The following GLI3 variants were observed in gnomAD, a reference collection of about 807,000 sequenced individuals.
GLI3 encodes GLI family zinc finger 3, also known as transcription activator GLI3.
Under a neutral mutation model 100.8 loss-of-function variants are expected in GLI3, and 20 were observed. The observed-to-expected ratio is 0.20, with a 90% CI of 0.14 to 0.29. GLI3 has a LOEUF of 0.29. Among genes scored for constraint, GLI3 ranks in the 10% least tolerant of loss-of-function variants. The pLI is 1.00. For missense variants in GLI3, 2,040 were observed against 2,128.5 expected (o/e 0.96, Z 0.82); for synonymous variants, 938 against 860.5 (o/e 1.09, Z -1.58).
At chr7:42,129,727 T>C (rs966878669) in intron 3 of GLI3, among the ~76,000 whole-genome samples, 2 of 152,124 alleles carry the variant, frequency 1.3e-5, no homozygotes, top group African/African-American at 4.8e-5. Context: ...AGAGAACTGC[T>C]TGAACCCGGG....
chr7:42,224,097 C>T (rs1469756163), intron 1 of GLI3, among the ~76,000 whole-genome samples: 2 of 152,174 alleles, frequency 1.3e-5, no homozygotes, highest in Non-Finnish European at 2.9e-5. Context: ...ATGTGATAAT[C>T]GCCCTAACTC....
At position 42,155,984 on chromosome 7, in the gene GLI3, G is replaced by A. The variant is rs184891427; in HGVS notation, c.125-7516C>T. Among the ~76,000 whole-genome samples, 9 of 152,162 alleles carry A rather than the reference G, an allele frequency of 5.9e-5. No individual in the cohort carries two copies. The East Asian group carries it at 9.7e-4, about 16-fold the overall frequency. On this transcript the variant is annotated intron_variant, in intron 2 of 14. Transcript: ENST00000395925. ...GGTCTGCAGCCCCATCTCTACCCCC[G>A]GGAGGATGCTTCTGAACACTGATGA...
intron 4 of GLI3, among the ~76,000 whole-genome samples, chr7:42,073,383 G>C (rs1361438764): frequency 6.6e-6 from 1 of 152,172 alleles, no homozygotes; most frequent in Non-Finnish European, 1.5e-5. Flanking sequence ...GTTATTATTA[G>C]TCTGTAATTG....
chr7:42,076,107 A>G (rs1260190587), intron 4 of GLI3, among the ~76,000 whole-genome samples: 1 of 152,210 alleles, frequency 6.6e-6, no homozygotes, highest in Non-Finnish European at 1.5e-5. Flanking sequence ...CTACAAAAAA[A>G]TACTGTTTTA....
intron 7 of GLI3, among the ~76,000 whole-genome samples, chr7:42,029,516 T>G (rs983364260): frequency 7.2e-5 from 11 of 152,154 alleles, no homozygotes; most frequent in African/African-American, 2.4e-4. Flanking sequence ...CTCCTGAGGT[T>G]TTCCCACTAG....
At chr7:42,225,710 C>T (rs1013953040) in intron 1 of GLI3, among the ~76,000 whole-genome samples, 11 of 152,204 alleles carry the variant, frequency 7.2e-5, no homozygotes, top group Non-Finnish European at 1.3e-4. Context: ...AGTATATACT[C>T]ATTGAAGTCT....
chr7:42,054,165 A>G (rs183538852), intron 4 of GLI3, among the ~76,000 whole-genome samples: 336 of 152,366 alleles, frequency 2.2e-3, no homozygotes, highest in Non-Finnish European at 4.1e-3. Context: ...TCATGAAAAT[A>G]GATTACAATG....
At chr7:42,116,821 A>G (rs1280293073) in intron 3 of GLI3, among the ~76,000 whole-genome samples, 1 of 151,104 alleles carries the variant, frequency 6.6e-6, no homozygotes, top group Non-Finnish European at 1.5e-5. Flanking sequence ...TAATTTAATA[A>G]GAGGTCTCAT....
chr7:42,117,854 A>C lies in GLI3; in HGVS notation c.367+30372T>G, dbSNP rs568345377. On this transcript the variant is annotated intron_variant, in intron 3 of 14. Transcript: ENST00000395925. ...ACCCAGCTCGAGGCTTTCCCACCCTACATATCACTGCAGATTCCGTGGTCA... is the reference window on the plus strand; with the variant it reads ...ACCCAGCTCGAGGCTTTCCCACCCTCCATATCACTGCAGATTCCGTGGTCA... Among the ~76,000 whole-genome samples the C allele has an allele frequency of 1.2e-4, 19 of 152,300 alleles. No homozygotes were observed. The South Asian group carries it at 3.9e-3, about 32-fold the overall frequency.
At chr7:42,101,201 G>A (rs994212012) in intron 3 of GLI3, among the ~76,000 whole-genome samples, 4 of 152,172 alleles carry the variant, frequency 2.6e-5, no homozygotes, top group African/African-American at 4.8e-5. Flanking sequence ...TATGCCCATC[G>A]TCATTTTCTG....
At chr7:41,993,713 C>T (rs1026314286) in intron 10 of GLI3, among the ~76,000 whole-genome samples, 1 of 152,140 alleles carries the variant, frequency 6.6e-6, no homozygotes, top group South Asian at 2.1e-4. Flanking sequence ...TTGAAAACAA[C>T]AAGCTTTGGA....
chr7:42,085,306 A>G lies in GLI3; in HGVS notation c.368-8449T>C, dbSNP rs190337769. ...AGGGGAGGTTTGGAAGTTGTATTCT[A>G]TTCAAAATTAACCTGCTGCAAAAAG... On this transcript the variant is annotated intron_variant, in intron 3 of 14. Coordinates refer to ENST00000395925, the MANE Select transcript of GLI3 (RefSeq NM_000168.6). Among the ~76,000 whole-genome samples the G allele has an allele frequency of 9.2e-5, 14 of 152,324 alleles. No individual in the cohort carries two copies. The East Asian group carries it at 2.3e-3, about 25-fold the overall frequency.
At chr7:42,122,779 T>C (rs761481441) in intron 3 of GLI3, among the ~76,000 whole-genome samples, 10 of 152,220 alleles carry the variant, frequency 6.6e-5, no homozygotes, top group Non-Finnish European at 1.2e-4. Context: ...CCAGCTGTAG[T>C]AATCCCCTCT....
chr7:42,074,965 T>C (rs1327018419), intron 4 of GLI3, among the ~76,000 whole-genome samples: 1 of 152,136 alleles, frequency 6.6e-6, no homozygotes, highest in East Asian at 1.9e-4. Flanking sequence ...CAGTCACACC[T>C]GAAATGTGAC....
chr7:41,990,466 C>T (rs910403873), intron 10 of GLI3, among the ~76,000 whole-genome samples: 13 of 152,100 alleles, frequency 8.5e-5, no homozygotes, highest in South Asian at 2.1e-4. Flanking sequence ...CTTCAATGCC[C>T]TACGAAAGCA....
chr7:42,182,644 G>GTGTATATATATA (rs1213633941), intron 2 of GLI3, among the ~76,000 whole-genome samples: 1 of 51,694 alleles, frequency 1.9e-5, no homozygotes, highest in Admixed American at 2.3e-4. Flanking sequence ...ATATGTGTGT[G>GTGTATATATATA]TATATATATA....
Position 41,967,820 on chromosome 7 carries a change from C to T in GLI3, c.2207G>A (p.Gly736Asp), listed in dbSNP as rs758323458. Residue 736 changes from glycine to aspartate, a missense_variant, in exon 14 of 15, where the codon GGT becomes GAT. By Grantham distance (94) the Gly-to-Asp change is moderately conservative. Coordinates refer to ENST00000395925, the MANE Select transcript of GLI3 (RefSeq NM_000168.6). ...GATGGCACTGAGGTCTCCTATACTA[C>T]CTCCATCGGTCAGAGGAAGCTCGAG... ...SGLELPLTDGGSIGDLSAIDE... is the reference protein window; with the variant it reads ...SGLELPLTDGDSIGDLSAIDE... 3.1e-6 allele frequency: 5 copies of T among 1,614,082 alleles called. No individual in the cohort carries two copies. Among genetic ancestry groups the T allele is most frequent in the Non-Finnish European group, 2.5e-6 (3 of 1,179,966 alleles).
rs55670745 is a variant in GLI3, at chr7:42,145,607, C to G, written c.367+2619G>C. ...GTCTCAGGCAAGCAGGTGACCAGGT[C>G]TGGCAAGAAAGAAAGAAAAAAAAAA... is the stretch of plus-strand genomic sequence containing the variant. On this transcript the variant is annotated intron_variant, in intron 3 of 14. Transcript: ENST00000395925. 323 of 379,446 alleles carry G rather than the reference C, an allele frequency of 8.5e-4. 1 individual carries two copies. The highest frequency in any genetic ancestry group is 7.0e-3 in the African/African-American group (298 of 42,288). 23.5% of individuals were successfully genotyped at this position (379,446 alleles called of 1,614,324 possible).
In GLI3 at chr7:42,251,514, T is replaced by A. The variant is rs545636819; in HGVS notation, c.-43+12480A>T. ...TGGGGACCCCCCTGCTCTAGTCTAG[T>A]CTGTGCTTGATAGGGAAAGAAATAA... is the stretch of plus-strand genomic sequence containing the variant. On this transcript the variant is annotated intron_variant, in intron 1 of 2. Transcript: ENST00000678978. Among the ~76,000 whole-genome samples, 110 of 152,194 alleles carry A rather than the reference T, an allele frequency of 7.2e-4. 2 individuals are homozygous for A. Among genetic ancestry groups the A allele is most frequent in the Admixed American group, 1.4e-3 (21 of 15,278 alleles).
Sources: gnomAD v4.1 joint callset for allele counts (sites outside exome capture counted in the v4.1 genomes callset) on GRCh38, gnomAD v4.1.1 for gene constraint, MANE v1.5 for transcripts, NCBI Gene and HGNC (gene_info 2026-07-23, HGNC 2026-07-21) for gene names.